LRMDA: variants seen among roughly 807,000 people sequenced by gnomAD.
LRMDA encodes the protein leucine-rich melanocyte differentiation-associated protein.
LRMDA carries 18 observed loss-of-function variants against 29.8 expected under a neutral mutation model. The ratio of observed to expected loss-of-function variants is 0.60; its 90% CI spans 0.42 to 0.90. The LOEUF is 0.90. Ranked by LOEUF, LRMDA falls within the 40% of genes least tolerant of loss-of-function variation. The pLI is 0.00. For synonymous variants in LRMDA, 125 were observed against 109.4 expected, an observed-to-expected ratio of 1.14 and a Z score of -0.89; for missense variants, 273 against 273.9, an observed-to-expected ratio of 1.00 and a Z score of 0.02.
At chr10:75,593,612 T>G (rs1230151153) in intron 2 of LRMDA, among the ~76,000 whole-genome samples, 1 of 152,266 alleles carries the variant, frequency 6.6e-6, no homozygotes, top group African/African-American at 2.4e-5. Context: ...GATTGACTGT[T>G]CACTTTGCAC....
chr10:76,006,357 T>C (rs1353017385), intron 2 of LRMDA, among the ~76,000 whole-genome samples: 1 of 152,174 alleles, frequency 6.6e-6, no homozygotes, highest in Admixed American at 6.5e-5. Context: ...TGGGTGACTC[T>C]GCCGCTTACC....
At position 75,934,429 on chromosome 10, in the gene LRMDA, C is replaced by T. The variant is rs1319700271; in HGVS notation, c.132-101579C>T. 4.6e-5 allele frequency among the ~76,000 whole-genome samples: 7 copies of T among 152,226 alleles called. No homozygotes were observed. The East Asian group carries it at 9.7e-4, about 21-fold the overall frequency. On this transcript the variant is annotated intron_variant, in intron 2 of 6. Transcript: ENST00000611255. ...CAGGAGAGGTATGGGCCAGTAGACC[C>T]CTGGCTACCCTTGGAGGTGTCCTTT...
At chr10:75,731,543 A>G (rs1253192403) in intron 2 of LRMDA, among the ~76,000 whole-genome samples, 5 of 152,360 alleles carry the variant, frequency 3.3e-5, no homozygotes, top group African/African-American at 1.2e-4. Flanking sequence ...GAATGAGATT[A>G]GGGAGCCCAG....
In LRMDA at chr10:76,302,621, T is replaced by C. The variant is rs768269950; in HGVS notation, c.517-21780T>C. 6.6e-5 allele frequency among the ~76,000 whole-genome samples: 10 copies of C among 152,046 alleles called. No individual in the cohort carries two copies. In the South Asian group the frequency reaches 2.2e-3, roughly 33 times the overall value. The stretch of plus-strand genomic sequence containing the variant: ...TCTTGCCTTTTAGAGAAAATGTTTG[T>C]GGTTTGTGATATTGGATGATTTATT... On this transcript the variant is annotated intron_variant, in intron 5 of 6. Coordinates refer to ENST00000611255, the MANE Select transcript of LRMDA (RefSeq NM_001305581.2).
intron 5 of LRMDA, among the ~76,000 whole-genome samples, chr10:76,313,502 G>A (rs1840655419): frequency 6.6e-6 from 1 of 152,146 alleles, no homozygotes; most frequent in Admixed American, 6.5e-5. Context: ...TATACAAATT[G>A]TGAATTAGTC....
chr10:75,994,065 T>C (rs1044147934), intron 2 of LRMDA, among the ~76,000 whole-genome samples: 1 of 152,234 alleles, frequency 6.6e-6, no homozygotes, highest in Non-Finnish European at 1.5e-5. Flanking sequence ...GCCTATCTAT[T>C]CTTTGTCTGT....
At chr10:75,526,346 C>T (rs574128920) in intron 2 of LRMDA, among the ~76,000 whole-genome samples, 13 of 152,066 alleles carry the variant, frequency 8.5e-5, no homozygotes, top group Admixed American at 5.2e-4. Context: ...ATTACAGGCA[C>T]GAACTACTGT....
At chr10:75,923,831 C>A (rs989957638) in intron 2 of LRMDA, among the ~76,000 whole-genome samples, 3 of 152,138 alleles carry the variant, frequency 2.0e-5, no homozygotes, top group Non-Finnish European at 2.9e-5. Context: ...CCTCCCTTAC[C>A]CCCTTGCATT....
At chr10:76,214,947 C>T (rs563120243) in intron 5 of LRMDA, among the ~76,000 whole-genome samples, 9 of 152,218 alleles carry the variant, frequency 5.9e-5, no homozygotes, top group Non-Finnish European at 1.3e-4. Context: ...AATGCAACCA[C>T]CTGCCACATA....
At chr10:76,096,148 C>A (rs996522226) in intron 5 of LRMDA, among the ~76,000 whole-genome samples, 2 of 152,130 alleles carry the variant, frequency 1.3e-5, no homozygotes, top group Non-Finnish European at 1.5e-5. Flanking sequence ...CAACATTTTT[C>A]TTTTATAAGT....
At chr10:76,284,699 A>G (rs921766882) in intron 5 of LRMDA, among the ~76,000 whole-genome samples, 13 of 152,136 alleles carry the variant, frequency 8.5e-5, no homozygotes, top group African/African-American at 2.7e-4. Flanking sequence ...CTCATCTTGA[A>G]TTGTGGCTCC....
At chr10:75,726,717 T>C (rs189607520) in intron 2 of LRMDA, among the ~76,000 whole-genome samples, 18 of 152,302 alleles carry the variant, frequency 1.2e-4, no homozygotes, top group African/African-American at 4.3e-4. Context: ...GACTGTGCGG[T>C]TTCACAGAAT....
chr10:76,506,592 G>A (rs1015018290), intron 6 of LRMDA, among the ~76,000 whole-genome samples: 2 of 151,992 alleles, frequency 1.3e-5, no homozygotes, highest in South Asian at 4.2e-4. Context: ...CTGTATTTTT[G>A]TAGCTATCAA....
intron 5 of LRMDA, among the ~76,000 whole-genome samples, chr10:76,241,409 A>G (rs1852275654): frequency 6.6e-6 from 1 of 152,244 alleles, no homozygotes; most frequent in Admixed American, 6.5e-5. Flanking sequence ...ACCTAAGTCC[A>G]TTATTTCATT....
At chr10:75,969,639 C>T (rs937963664) in intron 2 of LRMDA, among the ~76,000 whole-genome samples, 2 of 152,180 alleles carry the variant, frequency 1.3e-5, no homozygotes, top group South Asian at 4.1e-4. Context: ...AGTTTTGACA[C>T]CTTTAGAAGC....
chr10:75,907,935 T>TGG (rs1236182996), intron 2 of LRMDA, among the ~76,000 whole-genome samples: 1 of 152,150 alleles, frequency 6.6e-6, no homozygotes, highest in Non-Finnish European at 1.5e-5. Context: ...GCATGACTCT[T>TGG]GGGCAGGTGA....
At chr10:76,208,396 C>CG (rs892980505) in intron 5 of LRMDA, among the ~76,000 whole-genome samples, 4 of 152,026 alleles carry the variant, frequency 2.6e-5, no homozygotes, top group African/African-American at 9.7e-5. Flanking sequence ...TGGAAATTGG[C>CG]GGGGGGCAAC....
chr10:76,391,530 A>G (rs922139622), intron 6 of LRMDA, among the ~76,000 whole-genome samples: 1 of 152,224 alleles, frequency 6.6e-6, no homozygotes, highest in Non-Finnish European at 1.5e-5. Flanking sequence ...CTGACCTGCC[A>G]AGATCCATTA....
intron 5 of LRMDA, among the ~76,000 whole-genome samples, chr10:76,075,655 C>A (rs928589404): frequency 1.3e-5 from 2 of 152,342 alleles, no homozygotes; most frequent in Admixed American, 1.3e-4. Context: ...ACTGTAAACC[C>A]TTGGGCAAGT....
Sources: allele counts gnomAD v4.1 joint callset (sites outside exome capture counted in the v4.1 genomes callset), GRCh38; gene constraint gnomAD v4.1.1; transcripts MANE v1.5; gene names NCBI Gene and HGNC (gene_info 2026-07-23, HGNC 2026-07-21).